PLCB1: variants seen among roughly 807,000 people sequenced by gnomAD.
PLCB1 encodes phospholipase C beta 1.
Under a neutral mutation model 161.8 loss-of-function variants are expected in PLCB1, and 46 were observed. That is an observed-to-expected ratio of 0.28 (90% CI 0.22 to 0.36). The LOEUF (loss-of-function observed/expected upper bound fraction) is 0.36. PLCB1 is among the 10% of genes least tolerant of loss of function. The pLI, the probability that PLCB1 is intolerant of heterozygous loss-of-function variation, is 1.00. For missense variants in PLCB1, 1,016 were observed against 1,472.5 expected (o/e 0.69, Z 5.07); for synonymous variants, 517 against 503.7 (o/e 1.03, Z -0.35).
rs113328267 is a variant in PLCB1 at position 8,697,514 on chromosome 20, C to G, written c.1010-112C>G. 3,993 of 1,037,394 alleles carry G rather than the reference C, an allele frequency of 3.8e-3. 127 individuals are homozygous for G. The African/African-American group carries it at 0.057, about 15-fold the overall frequency. 64.3% of individuals were successfully genotyped at this position (1,037,394 alleles called of 1,614,324 possible). ...GCAGAAGAAAGGCAAAGAATAACTGCTGCAGCTCTTAGACTCTTTGTTTTC... is the reference window on the plus strand; with the variant it reads ...GCAGAAGAAAGGCAAAGAATAACTGGTGCAGCTCTTAGACTCTTTGTTTTC... On this transcript the variant is annotated intron_variant, in intron 10 of 31. Transcript: ENST00000338037.
At chr20:8,644,185 T>A (rs1402835820) in intron 4 of PLCB1, among the ~76,000 whole-genome samples, 4 of 152,122 alleles carry the variant, frequency 2.6e-5, no homozygotes, top group Non-Finnish European at 4.4e-5. Flanking sequence ...CCTCCCAAAG[T>A]GCCGAGATTG....
Position 8,729,276 on chromosome 20 carries a change from GA to G in PLCB1, c.1888+108del, listed in dbSNP as rs113944946. The G allele has an allele frequency of 8.3e-5, 92 of 1,113,940 alleles. No individual in the cohort carries two copies. In the African/African-American group the frequency reaches 1.3e-3, roughly 16 times the overall value. The allele number at this position is 1,113,940 out of a possible 1,614,324, so 69.0% of individuals were successfully genotyped here. ...GGAGAGAAAATTGCCAGACTTCACT[GA>G]AAAAATAAATAAAAGCAAATTTCAA... is the stretch of plus-strand genomic sequence containing the variant. On this transcript the variant is annotated intron_variant, in intron 18 of 31. Coordinates refer to ENST00000338037, the MANE Select transcript of PLCB1 (RefSeq NM_015192.4).
chr20:8,590,663 C>T (rs1210832491), intron 3 of PLCB1, among the ~76,000 whole-genome samples: 1 of 152,164 alleles, frequency 6.6e-6, no homozygotes, highest in Non-Finnish European at 1.5e-5. Context: ...TTTCCAGCTT[C>T]ATAGACCCCT....
At chr20:8,413,480 C>A (rs1730798738) in intron 3 of PLCB1, among the ~76,000 whole-genome samples, 1 of 152,182 alleles carries the variant, frequency 6.6e-6, no homozygotes, top group African/African-American at 2.4e-5. Flanking sequence ...AATCTGCTTC[C>A]ACCAGCAGTT....
rs1016425038 is a variant in PLCB1 at position 8,434,911 on chromosome 20, G to A, written c.246+63461G>A. Among the ~76,000 whole-genome samples the A allele has an allele frequency of 1.7e-4, 26 of 152,214 alleles. 1 individual carries two copies. Among genetic ancestry groups the A allele is most frequent in the African/African-American group, 5.3e-4 (22 of 41,448 alleles). ...AAGCTGACACTCTCAGGACTCCAAA[G>A]TGTACACACTTTTCACTATACCACA... is the stretch of plus-strand genomic sequence containing the variant. On this transcript the variant is annotated intron_variant, in intron 3 of 31. Coordinates refer to ENST00000338037, the MANE Select transcript of PLCB1 (RefSeq NM_015192.4).
At chr20:8,876,887 C>T (rs1159189592) in intron 31 of PLCB1, among the ~76,000 whole-genome samples, 7 of 152,116 alleles carry the variant, frequency 4.6e-5, no homozygotes, top group African/African-American at 7.2e-5. Flanking sequence ...GGCCTTGTGA[C>T]GTCTGGACTC....
intron 2 of PLCB1, among the ~76,000 whole-genome samples, chr20:8,166,873 C>T (rs1290321181): frequency 6.6e-6 from 1 of 152,086 alleles, no homozygotes; most frequent in East Asian, 1.9e-4. Flanking sequence ...CATGTTTTCT[C>T]CCCATGGATT....
chr20:8,199,861 A>G (rs1040751340), intron 2 of PLCB1, among the ~76,000 whole-genome samples: 16 of 152,278 alleles, frequency 1.1e-4, no homozygotes, highest in African/African-American at 3.6e-4. Flanking sequence ...ATGTTAACTT[A>G]TTTTATCCTC....
intron 31 of PLCB1, among the ~76,000 whole-genome samples, chr20:8,811,555 G>C (rs1447635404): frequency 6.6e-6 from 1 of 152,118 alleles, no homozygotes; most frequent in Admixed American, 6.5e-5. Context: ...GGTTGGCAGA[G>C]TGGTTTTTCC....
rs113070410 is a variant in PLCB1 at position 8,837,905 on chromosome 20, C to T, written c.3424-43717C>T. Among the ~76,000 whole-genome samples the T allele has an allele frequency of 4.8e-3, 737 of 152,254 alleles. 11 individuals are homozygous for T. Among genetic ancestry groups the T allele is most frequent in the African/African-American group, 0.017 (686 of 41,534 alleles). On this transcript the variant is annotated intron_variant, in intron 31 of 31. Transcript: ENST00000338037. ...ACTCGACCGTCAAAGGCAATGTGGCCGTGATTACCATGATGAACAGTGGAG... is the reference window on the plus strand; with the variant it reads ...ACTCGACCGTCAAAGGCAATGTGGCTGTGATTACCATGATGAACAGTGGAG...
At chr20:8,639,432 CTGAG>C (rs906847268) in intron 4 of PLCB1, among the ~76,000 whole-genome samples, 3 of 152,214 alleles carry the variant, frequency 2.0e-5, no homozygotes, top group Non-Finnish European at 4.4e-5. Context: ...GATAACAAGG[CTGAG>C]TGAGGCCCCT....
intron 3 of PLCB1, among the ~76,000 whole-genome samples, chr20:8,397,126 A>G (rs1414643461): frequency 6.6e-6 from 1 of 152,008 alleles, no homozygotes; most frequent in Non-Finnish European, 1.5e-5. Flanking sequence ...GTATAGTGGC[A>G]ATTTTGATTC....
intron 27 of PLCB1, among the ~76,000 whole-genome samples, chr20:8,780,068 A>G (rs1295167225): frequency 6.6e-6 from 1 of 152,222 alleles, no homozygotes; most frequent in African/African-American, 2.4e-5. Context: ...GAGAAGAACT[A>G]CAGGGTCAGG....
intron 31 of PLCB1, among the ~76,000 whole-genome samples, chr20:8,866,254 A>G (rs1987424985): frequency 6.6e-6 from 1 of 152,220 alleles, no homozygotes; most frequent in African/African-American, 2.4e-5. Flanking sequence ...CAAGAATAGG[A>G]TCAAAAATTT....
chr20:8,327,894 T>TTA (rs71862056), intron 2 of PLCB1, among the ~76,000 whole-genome samples: 5,836 of 150,834 alleles, frequency 0.039, 342 homozygotes, highest in African/African-American at 0.13. Flanking sequence ...ATATGTATAG[T>TTA]TATATATATA....
intron 3 of PLCB1, among the ~76,000 whole-genome samples, chr20:8,488,993 G>A (rs997358825): frequency 2.6e-5 from 4 of 152,144 alleles, no homozygotes; most frequent in African/African-American, 7.2e-5. Flanking sequence ...GAAGACAAAC[G>A]GAGATTAGGA....
At chr20:8,489,773 C>T (rs1010046825) in intron 3 of PLCB1, among the ~76,000 whole-genome samples, 2 of 152,158 alleles carry the variant, frequency 1.3e-5, no homozygotes, top group African/African-American at 4.8e-5. Flanking sequence ...GAAGTACTGA[C>T]TTGTAAGTAA....
intron 3 of PLCB1, among the ~76,000 whole-genome samples, chr20:8,520,434 A>AT (rs377442783): frequency 1.3e-5 from 2 of 151,516 alleles, no homozygotes; most frequent in African/African-American, 2.4e-5. Flanking sequence ...TGGCCAACTG[A>AT]TTTTTTTTTC....
intron 9 of PLCB1, among the ~76,000 whole-genome samples, chr20:8,663,501 A>G (rs1183647218): frequency 5.3e-5 from 8 of 152,230 alleles, no homozygotes; most frequent in Admixed American, 3.3e-4. Context: ...TCCAGAAGAG[A>G]CAATAGACTT....
Sources: gnomAD v4.1 joint callset for allele counts (sites outside exome capture counted in the v4.1 genomes callset) on GRCh38, gnomAD v4.1.1 for gene constraint, MANE v1.5 for transcripts, NCBI Gene and HGNC (gene_info 2026-07-23, HGNC 2026-07-21) for gene names.